Variants in EXOC6B observed in about 807,000 individuals in gnomAD.
The protein encoded by EXOC6B is SEC15 homolog B.
Under a neutral mutation model 113.5 loss-of-function variants are expected in EXOC6B, and 54 were observed. The observed-to-expected ratio is 0.48, with a 90% CI of 0.38 to 0.60. The LOEUF is 0.60. Ranked by LOEUF, EXOC6B falls within the 20% of genes least tolerant of loss-of-function variation. The probability of loss-of-function intolerance (pLI) is 0.00; values close to 1 mark genes in which losing one functional copy is unlikely to be tolerated. For synonymous variants in EXOC6B, 357 were observed against 339.0 expected, an observed-to-expected ratio of 1.05 and a Z score of -0.58; for missense variants, 797 against 977.5, an observed-to-expected ratio of 0.82 and a Z score of 2.46.
Position 72,328,335 on chromosome 2 carries a change from C to T in EXOC6B, c.2196+6612G>A, listed in dbSNP as rs547931575. On this transcript the variant is annotated intron_variant, in intron 20 of 21. Transcript: ENST00000272427. ...TGAAAGTCTGTGTATCTGCGTACAG[C>T]AGAGTTGGCCTTGCCCTAGAGATCT... Among the ~76,000 whole-genome samples the T allele has an allele frequency of 6.6e-5, 10 of 151,958 alleles. No individual in the cohort carries two copies. The South Asian group carries it at 2.1e-3, about 32-fold the overall frequency.
chr2:72,535,484 G>A (rs892789912), intron 8 of EXOC6B, among the ~76,000 whole-genome samples: 1 of 152,144 alleles, frequency 6.6e-6, no homozygotes, highest in Non-Finnish European at 1.5e-5. Context: ...TCTAAAATGG[G>A]TAAGGAAAAC....
intron 2 of EXOC6B, among the ~76,000 whole-genome samples, chr2:72,738,073 T>C (rs968998317): frequency 1.1e-4 from 16 of 152,162 alleles, no homozygotes; most frequent in Non-Finnish European, 1.6e-4. Context: ...CTCTAGCTTA[T>C]TCTTAGGTGC....
At chr2:72,671,553 C>A (rs926625591) in intron 6 of EXOC6B, among the ~76,000 whole-genome samples, 1 of 151,834 alleles carries the variant, frequency 6.6e-6, no homozygotes, top group Non-Finnish European at 1.5e-5. Context: ...AAGTAATTCG[C>A]CGGGCGTGGT....
At chr2:72,268,820 C>T (rs1287558851) in intron 20 of EXOC6B, among the ~76,000 whole-genome samples, 1 of 152,164 alleles carries the variant, frequency 6.6e-6, no homozygotes, top group Non-Finnish European at 1.5e-5. Flanking sequence ...GCTGGCTCCC[C>T]TTCACCTTCC....
chr2:72,641,095 G>C (rs1312719625), intron 6 of EXOC6B, among the ~76,000 whole-genome samples: 1 of 152,234 alleles, frequency 6.6e-6, no homozygotes, highest in Admixed American at 6.5e-5. Context: ...CAGGAAGTCT[G>C]TTCCAAGATG....
chr2:72,622,921 A>G (rs1422558993), intron 6 of EXOC6B, among the ~76,000 whole-genome samples: 2 of 152,152 alleles, frequency 1.3e-5, no homozygotes, highest in Admixed American at 1.3e-4. Flanking sequence ...ACTTTGAGAA[A>G]CTGATTGGTA....
At chr2:72,358,060 C>G (rs1383048115) in intron 19 of EXOC6B, among the ~76,000 whole-genome samples, 1 of 151,994 alleles carries the variant, frequency 6.6e-6, no homozygotes, top group African/African-American at 2.4e-5. Context: ...GAATATATAC[C>G]GCATAGATAA....
intron 7 of EXOC6B, among the ~76,000 whole-genome samples, chr2:72,562,009 C>T (rs974300940): frequency 6.6e-5 from 10 of 152,072 alleles, no homozygotes; most frequent in Non-Finnish European, 1.3e-4. Flanking sequence ...ACCTCTACTC[C>T]CAAAATAGCC....
chr2:72,672,496 G>T (rs1484054570), intron 6 of EXOC6B, among the ~76,000 whole-genome samples: 1 of 144,248 alleles, frequency 6.9e-6, no homozygotes, highest in Admixed American at 7.1e-5. Flanking sequence ...GCAGTGAGTC[G>T]AGATCGCGCC....
chr2:72,664,605 G>C (rs1161264125), intron 6 of EXOC6B, among the ~76,000 whole-genome samples: 1 of 152,168 alleles, frequency 6.6e-6, no homozygotes, highest in African/African-American at 2.4e-5. Context: ...GTGGCCATAG[G>C]CGCTCACCCT....
In EXOC6B at chr2:72,825,759, C is replaced by T; in HGVS notation, c.113+39G>A. 6.3e-7 allele frequency: 1 copy of T among 1,596,922 alleles called. No individual in the cohort carries two copies. Among genetic ancestry groups the T allele is most frequent in the Admixed American group, 1.7e-5 (1 of 59,428 alleles). On this transcript the variant is annotated intron_variant, in intron 1 of 21. Coordinates refer to ENST00000272427, the MANE Select transcript of EXOC6B (RefSeq NM_015189.3). The surrounding 1 kb of genome is among the most constrained non-coding windows in gnomAD (Gnocchi z 4.4). ...ACCCAGAGGAGCCTGCCCCGTCCCG[C>T]CCGTTCCCGCCCCTCTGTGGTCCCG...
rs117384909 is a variant in EXOC6B at position 72,551,177 on chromosome 2, G to A, written c.915+8276C>T. ...TCAATACTCATGAGTCACCACTGGA[G>A]TTCACTTGAGCAAAATCTGTCATAT... On this transcript the variant is annotated intron_variant, in intron 8 of 21. Coordinates refer to ENST00000272427, the MANE Select transcript of EXOC6B (RefSeq NM_015189.3). Among the ~76,000 whole-genome samples, 282 of 152,174 alleles carry A rather than the reference G, an allele frequency of 1.9e-3. 7 individuals carry two copies. In the East Asian group the frequency reaches 0.05, roughly 27 times the overall value.
intron 5 of EXOC6B, among the ~76,000 whole-genome samples, chr2:72,726,872 TC>T (rs1436006397): frequency 1.3e-5 from 2 of 152,146 alleles, no homozygotes; most frequent in African/African-American, 4.8e-5. Flanking sequence ...ACTATATTGA[TC>T]AAAAATATTT....
intron 1 of EXOC6B, among the ~76,000 whole-genome samples, chr2:72,767,628 G>A (rs1424273269): frequency 6.7e-6 from 1 of 149,826 alleles, no homozygotes; most frequent in East Asian, 2.0e-4. Context: ...TGGGAAACAC[G>A]GCAAAACCCC....
chr2:72,651,452 T>A (rs897677272), intron 6 of EXOC6B, among the ~76,000 whole-genome samples: 1 of 152,156 alleles, frequency 6.6e-6, no homozygotes, highest in Non-Finnish European at 1.5e-5. Flanking sequence ...AAGGAAAACC[T>A]CTGAAGACAC....
chr2:72,414,607 C>T (rs1054270806), intron 18 of EXOC6B, among the ~76,000 whole-genome samples: 1 of 152,164 alleles, frequency 6.6e-6, no homozygotes, highest in Non-Finnish European at 1.5e-5. Flanking sequence ...AACAGATGCA[C>T]TCAGTGTCAA....
chr2:72,518,634 T>C (rs1162928450), intron 8 of EXOC6B, among the ~76,000 whole-genome samples: 1 of 151,946 alleles, frequency 6.6e-6, no homozygotes, highest in African/African-American at 2.4e-5. Context: ...AAAGTGTTCC[T>C]GGAGGAGACA....
chr2:72,294,690 C>T (rs144356762), intron 20 of EXOC6B, among the ~76,000 whole-genome samples: 2,387 of 151,908 alleles, frequency 0.016, 36 homozygotes, highest in Non-Finnish European at 0.023. Context: ...CTTTCATTTG[C>T]TACATAGATA....
intron 17 of EXOC6B, among the ~76,000 whole-genome samples, chr2:72,471,286 T>C (rs1232165771): frequency 6.6e-6 from 1 of 152,220 alleles, no homozygotes; most frequent in Admixed American, 6.5e-5. Context: ...TGTCTGTTCA[T>C]GTCCTTCGCC....
Sources: gnomAD v4.1 joint callset for allele counts (sites outside exome capture counted in the v4.1 genomes callset) on GRCh38, gnomAD v4.1.1 for gene constraint, Gnocchi (gnomAD v3.1) non-coding constraint, MANE v1.5 for transcripts, NCBI Gene and HGNC (gene_info 2026-07-23, HGNC 2026-07-21) for gene names.